Variants in EEF1A2 observed in about 807,000 individuals in gnomAD.
The protein encoded by EEF1A2 is elongation factor 1-alpha 2.
In EEF1A2, 5 loss-of-function variants were observed where a neutral mutation model predicts 39.3. The observed-to-expected ratio is 0.13, with a 90% confidence interval of 0.07 to 0.27. The LOEUF (loss-of-function observed/expected upper bound fraction) is 0.27. Ranked by LOEUF, EEF1A2 falls within the 10% of genes least tolerant of loss-of-function variation. The pLI, the probability that EEF1A2 is intolerant of heterozygous loss-of-function variation, is 1.00. For synonymous variants in EEF1A2, 287 were observed against 293.7 expected, an observed-to-expected ratio of 0.98 and a Z score of 0.23; for missense variants, 218 against 681.4, an observed-to-expected ratio of 0.32 and a Z score of 7.57.
chr20:63,493,104 A>C, intron 5 of EEF1A2, 33 bp downstream of exon 5: 1 of 1,540,482 alleles, frequency 6.5e-7, no homozygotes, highest in African/African-American at 1.4e-5. Flanking sequence ...AGAGCTGGCC[A>C]GGCAGGAGCT....
In EEF1A2 at chr20:63,498,672, G is replaced by A. The variant is rs1379393413; in HGVS notation, c.-72+386C>T. 1 of 152,356 alleles carries A rather than the reference G, an allele frequency of 6.6e-6. No individual in the cohort carries two copies. The highest frequency in any genetic ancestry group is 1.5e-5 in the Non-Finnish European group (1 of 68,196). 9.4% of individuals were successfully genotyped at this position (152,356 alleles called of 1,614,324 possible). On this transcript the variant is annotated intron_variant, in intron 1 of 7. Coordinates refer to ENST00000217182, the MANE Select transcript of EEF1A2 (RefSeq NM_001958.5). This position sits in a 1 kb window ranked among gnomAD's most constrained non-coding sequence, Gnocchi z 4.1. Reference sequence around the variant, plus strand: ...TCCTCGCGGACAGGTGGCTGGGGGAGGGAAAGAGGACAGAAGCCACCCTGG... The same window carrying A: ...TCCTCGCGGACAGGTGGCTGGGGGAAGGAAAGAGGACAGAAGCCACCCTGG...
At chr20:63,490,434 C>T (rs1490200671) in intron 6 of EEF1A2, 45 bp downstream of exon 6, 2 of 1,580,702 alleles carry the variant, frequency 1.3e-6, no homozygotes, top group South Asian at 1.1e-5. Context: ...AGTCCTGCTG[C>T]TGTCCAGCAG....
chr20:63,494,707 C>G, intron 4 of EEF1A2, 98 bp downstream of exon 4: 1 of 1,449,010 alleles, frequency 6.9e-7, no homozygotes, highest in Non-Finnish European at 9.2e-7. Context: ...TTCCCGGGGA[C>G]AGGCCCTCGA....
At chr20:63,496,325 G>T (rs925918513) in intron 2 of EEF1A2, 6 of 460,598 alleles carry the variant, frequency 1.3e-5, no homozygotes, top group African/African-American at 8.0e-5. Flanking sequence ...GAGCGAAGCC[G>T]CCAGATGGGA....
rs140125000 is a variant in EEF1A2 at position 63,488,469 on chromosome 20, AC to A, written c.1265-45del. On this transcript the variant is annotated intron_variant, in intron 7 of 7. Coordinates refer to ENST00000217182, the MANE Select transcript of EEF1A2 (RefSeq NM_001958.5). Reference sequence around the variant, plus strand: ...CGTGTGGGCGGGGCCGGAGGACTTGACCCCCCCCAACCCCAGGGCTCTGGCC... The same window carrying A: ...CGTGTGGGCGGGGCCGGAGGACTTGACCCCCCCAACCCCAGGGCTCTGGCC... The A allele has an allele frequency of 0.034, 45,422 of 1,334,972 alleles. 4,150 individuals are homozygous for A. Among genetic ancestry groups the A allele is most frequent in the African/African-American group, 0.34 (21,220 of 62,914 alleles). The allele number at this position is 1,334,972 out of a possible 1,614,324, so 82.7% of individuals were successfully genotyped here.
At chr20:63,489,420 CG>C (rs372583413) in intron 6 of EEF1A2, among the ~76,000 whole-genome samples, 1 of 152,092 alleles carries the variant, frequency 6.6e-6, no homozygotes, top group South Asian at 2.1e-4. Context: ...GGAACTAAGG[CG>C]GGGGGGTGAC....
rs751012252 is a variant in EEF1A2, at chr20:63,497,747, G to A, written c.17C>T (p.Thr6Ile). Reference sequence around the variant, plus strand: ...GCCGATGACCACGATGTTGATGTGGGTCTTCTCCTTGCCCATTTTGCTGGG... The same window carrying A: ...GCCGATGACCACGATGTTGATGTGGATCTTCTCCTTGCCCATTTTGCTGGG... MGKEK[T>I]HINIVVIGHV... The change falls in exon 2 of 8, where the codon ACC (threonine) becomes ATC (isoleucine). Residue 6 changes from threonine (T) to isoleucine (I), a missense_variant. Transcript: ENST00000217182. This position sits in a 1 kb window ranked among gnomAD's most constrained non-coding sequence, Gnocchi z 7.3. 2 of 1,612,700 alleles carry A rather than the reference G, an allele frequency of 1.2e-6. No homozygotes were observed. The highest frequency in any genetic ancestry group is 1.7e-6 in the Non-Finnish European group (2 of 1,179,706).
intron 5 of EEF1A2, among the ~76,000 whole-genome samples, chr20:63,491,958 GTGGATGGATGGATGGATGGA>G (rs145650602): frequency 1.2e-4 from 8 of 68,560 alleles, no homozygotes; most frequent in Admixed American, 3.3e-4. Flanking sequence ...GGATGGGGAG[GTGGATGGATGGATGGATGGA>G]TGGATGGATG....
intron 5 of EEF1A2, among the ~76,000 whole-genome samples, chr20:63,491,386 C>G (rs993215273): frequency 3.3e-5 from 5 of 152,226 alleles, no homozygotes; most frequent in African/African-American, 9.6e-5. Flanking sequence ...TTGTCCCCCC[C>G]CAGGCTACTG....
intron 4 of EEF1A2, among the ~76,000 whole-genome samples, chr20:63,494,453 G>A (rs2082407146): frequency 6.6e-6 from 1 of 152,266 alleles, no homozygotes; most frequent in Non-Finnish European, 1.5e-5. Flanking sequence ...TCCAGGACCA[G>A]GACAATGGCC....
intron 3 of EEF1A2, 97 bp from the exon 4 acceptor site, chr20:63,495,198 G>A (rs1277902623): frequency 1.9e-5 from 28 of 1,509,608 alleles, no homozygotes; most frequent in South Asian, 1.1e-4. Flanking sequence ...TCCAGGCAGC[G>A]GGCTGGGGCC....
rs1189365143 is a variant in EEF1A2, at chr20:63,497,994, G to A, written c.-71-160C>T. 5.7e-6 allele frequency: 3 copies of A among 525,874 alleles called. No individual in the cohort carries two copies. The highest frequency in any genetic ancestry group is 1.9e-5 in the African/African-American group (1 of 51,662). The allele number at this position is 525,874 out of a possible 1,614,324, so 32.6% of individuals were successfully genotyped here. A position where few individuals can be genotyped will look rare whatever the true frequency, so the allele number is the denominator to read the frequency against. On this transcript the variant is annotated intron_variant, in intron 1 of 7. Transcript: ENST00000217182. This position sits in a 1 kb window ranked among gnomAD's most constrained non-coding sequence, Gnocchi z 7.3. ...GGGCCCCCACCCACAGCTGGGCCTG[G>A]CCAGGGCAAGCAGAGGCTGTGCACT... is the stretch of plus-strand genomic sequence containing the variant.
intron 5 of EEF1A2, among the ~76,000 whole-genome samples, chr20:63,491,965 GA>G (rs1568995700): frequency 1.6e-5 from 1 of 60,894 alleles, no homozygotes; most frequent in Non-Finnish European, 3.4e-5. Context: ...GAGGTGGATG[GA>G]TGGATGGATG....
chr20:63,491,227 G>A (rs1280902289), intron 5 of EEF1A2, among the ~76,000 whole-genome samples: 1 of 88,150 alleles, frequency 1.1e-5, no homozygotes, highest in Non-Finnish European at 2.4e-5. Context: ...GCTCCCTGCA[G>A]GCTCTCTGGG....
At chr20:63,491,956 AGGTG>A (rs1429692514) in intron 5 of EEF1A2, among the ~76,000 whole-genome samples, 6 of 26,386 alleles carry the variant, frequency 2.3e-4, no homozygotes, top group East Asian at 3.5e-3. Flanking sequence ...ACGGATGGGG[AGGTG>A]GATGGATGGA....
chr20:63,495,924 A>G lies in EEF1A2; in HGVS notation c.256T>C (p.Tyr86His). 1 of 1,613,364 alleles carries G rather than the reference A, an allele frequency of 6.2e-7. No homozygotes were observed. Among genetic ancestry groups the G allele is most frequent in the East Asian group, 2.2e-5 (1 of 44,876 alleles). ...SLWKFETTKY[Y>H]ITIIDAPGHR... ...CCGGGGGCATCGATGATGGTGATGT[A>G]GTACTTGGTGGTCTCGAACTTCCAG... Residue 86 changes from tyrosine (Y) to histidine (H), a missense_variant, in exon 3 of 8, where the codon TAC (tyrosine) becomes CAC (histidine). By Grantham distance (83) the Tyr-to-His change is moderately conservative (BLOSUM62 2). Coordinates refer to ENST00000217182, the MANE Select transcript of EEF1A2 (RefSeq NM_001958.5).
chr20:63,490,584 G>T lies in EEF1A2; in HGVS notation c.924C>A (p.Val308=). ...ALSEALPGDN[V]GFNVKNVSVK... ...CCGACACGTTCTTCACATTGAAGCC[G>T]ACGTTGTCGCCGGGCAGAGCTTCGC... The change falls in exon 6 of 8, where the codon GTC becomes GTA. Residue 308 remains valine, a synonymous_variant. Coordinates refer to ENST00000217182, the MANE Select transcript of EEF1A2 (RefSeq NM_001958.5). The T allele has an allele frequency of 6.2e-7, 1 of 1,612,794 alleles. No homozygotes were observed. The highest frequency in any genetic ancestry group is 8.5e-7 in the Non-Finnish European group (1 of 1,179,960).
At chr20:63,496,113 G>A (rs1354936031) in intron 2 of EEF1A2, 78 bp from the exon 3 acceptor site, 3 of 1,536,962 alleles carry the variant, frequency 2.0e-6, no homozygotes, top group Non-Finnish European at 2.7e-6. Flanking sequence ...GCTTGTTACA[G>A]CAGAGTGGCC....
intron 6 of EEF1A2, 153 bp downstream of exon 6, chr20:63,490,326 A>C: frequency 1.0e-6 from 1 of 978,666 alleles, no homozygotes; most frequent in Non-Finnish European, 1.5e-6. Context: ...CGGCCTCTCA[A>C]AGTGCTGGGA....
Sources: allele counts gnomAD v4.1 joint callset (sites outside exome capture counted in the v4.1 genomes callset), GRCh38; gene constraint gnomAD v4.1.1; non-coding constraint Gnocchi (gnomAD v3.1); transcripts MANE v1.5; gene names NCBI Gene and HGNC (gene_info 2026-07-23, HGNC 2026-07-21).